The following VPS8 variants were observed in gnomAD, a reference collection of about 807,000 sequenced individuals.
The protein encoded by VPS8 is VPS8 subunit of CORVET complex, also known as vacuolar protein sorting-associated protein 8 homolog.
VPS8 carries 129 observed loss-of-function variants against 216.4 expected under a neutral mutation model. The observed-to-expected ratio is 0.60, with a 90% confidence interval of 0.52 to 0.69. The LOEUF (loss-of-function observed/expected upper bound fraction) is 0.69. Among genes scored for constraint, VPS8 ranks in the 30% least tolerant of loss-of-function variants. The pLI is 0.00. For synonymous variants in VPS8, 571 were observed against 565.4 expected (o/e 1.01, Z -0.14); for missense variants, 1,531 against 1,683.5 (o/e 0.91, Z 1.59).
Position 184,936,231 on chromosome 3 carries a change from T to TTCCTTTAAC in VPS8, c.2899-11_2899-3dup, listed in dbSNP as rs1741586277. ...GAGCCATTAGAGATGGCTTTGTCTT[T>TTCCTTTAAC]TCCTTTAACTCCAGGAACTCGTGTC... On this transcript the variant is annotated splice_polypyrimidine_tract_variant and intron_variant, in intron 34 of 47. Transcript: ENST00000625842. 1 of 1,594,912 alleles carries TTCCTTTAAC rather than the reference T, an allele frequency of 6.3e-7. No homozygotes were observed. Among genetic ancestry groups the TTCCTTTAAC allele is most frequent in the Admixed American group, 1.8e-5 (1 of 57,038 alleles).
At chr3:184,915,250 A>T in intron 27 of VPS8, 105 bp from the exon 28 acceptor site, 1 of 1,439,600 alleles carries the variant, frequency 6.9e-7, no homozygotes, top group African/African-American at 1.4e-5. Flanking sequence ...GTAGCAATTT[A>T]AACTGAATTC....
intron 45 of VPS8, among the ~76,000 whole-genome samples, chr3:185,015,734 T>C (rs780253452): frequency 2.6e-5 from 4 of 152,248 alleles, no homozygotes; most frequent in Non-Finnish European, 5.9e-5. Flanking sequence ...AGACCATTTA[T>C]AAAAGCTTGC....
intron 34 of VPS8, among the ~76,000 whole-genome samples, chr3:184,931,568 G>A (rs933335134): frequency 3.3e-5 from 5 of 152,186 alleles, no homozygotes; most frequent in Non-Finnish European, 1.5e-5. Context: ...AGAAAGATCA[G>A]AGGTGTGAAC....
rs1165255623 is a variant in VPS8 at position 185,026,701 on chromosome 3, CTTTTTTTT to C, written c.4056+2330_4056+2337del. Among the ~76,000 whole-genome samples, 762 of 85,982 alleles carry C rather than the reference CTTTTTTTT, an allele frequency of 8.9e-3. 7 individuals are homozygous for C. The highest frequency in any genetic ancestry group is 0.033 in the African/African-American group (722 of 22,038). The allele number at this position is 85,982 out of a possible 152,430, so 56.4% of individuals were successfully genotyped here. ...TGGGATTACAGGCATGAGCCACTGT[CTTTTTTTT>C]TTTTTTTTTTTTTTTTTGAGACAGA... On this transcript the variant is annotated intron_variant, in intron 46 of 47. Coordinates refer to ENST00000625842, the MANE Select transcript of VPS8 (RefSeq NM_001009921.3).
Position 185,045,070 on chromosome 3 carries a change from A to G in VPS8, c.4057-3409A>G, listed in dbSNP as rs533336160. ...GACTGGCTGAGGCTATAAGAGATAC[A>G]AGGAAAGATTTGAAAGTGAGGTGGA... On this transcript the variant is annotated intron_variant, in intron 46 of 47. Coordinates refer to ENST00000625842, the MANE Select transcript of VPS8 (RefSeq NM_001009921.3). Among the ~76,000 whole-genome samples, 3 of 129,426 alleles carry G rather than the reference A, an allele frequency of 2.3e-5. No homozygotes were observed. The East Asian group carries it at 7.6e-4, about 33-fold the overall frequency. 84.9% of individuals were successfully genotyped at this position (129,426 alleles called of 152,430 possible).
At chr3:184,882,373 G>T (rs1305172390) in intron 21 of VPS8, 1 of 455,164 alleles carries the variant, frequency 2.2e-6, no homozygotes, top group South Asian at 1.6e-5. Context: ...ATATCGTAAT[G>T]ATTGGTTTTT....
At chr3:185,049,258 T>G (rs9843285) in intron 47 of VPS8, among the ~76,000 whole-genome samples, 72,993 of 152,046 alleles carry the variant, frequency 0.48, 17,837 homozygotes, top group East Asian at 0.67. Context: ...AGGGCTTCTA[T>G]CAGTCACTGC....
At chr3:184,972,047 G>A (rs1255784205) in intron 40 of VPS8, among the ~76,000 whole-genome samples, 2 of 149,306 alleles carry the variant, frequency 1.3e-5, no homozygotes, top group Non-Finnish European at 3.0e-5. Context: ...TTGCACTCCA[G>A]CCCTGGGCAA....
chr3:184,982,399 T>C, intron 40 of VPS8, 167 bp from the exon 41 acceptor site: 1 of 578,620 alleles, frequency 1.7e-6, no homozygotes, highest in East Asian at 3.0e-5. Flanking sequence ...TTTTTTTTTT[T>C]TTGCCCCAAA....
At chr3:184,904,068 CT>C (rs1448304720) in intron 25 of VPS8, among the ~76,000 whole-genome samples, 3 of 152,052 alleles carry the variant, frequency 2.0e-5, no homozygotes, top group Non-Finnish European at 4.4e-5. Context: ...AATAGATTGA[CT>C]TTTGTATATT....
At chr3:184,847,776 G>A (rs1042391285) in intron 8 of VPS8, among the ~76,000 whole-genome samples, 2 of 152,120 alleles carry the variant, frequency 1.3e-5, no homozygotes, top group African/African-American at 4.8e-5. Context: ...TTAATTATTA[G>A]ATAACAGAAT....
At chr3:184,893,895 T>G (rs756473947) in intron 22 of VPS8, among the ~76,000 whole-genome samples, 3 of 152,316 alleles carry the variant, frequency 2.0e-5, no homozygotes, top group East Asian at 1.9e-4. Context: ...ATGGTAATTT[T>G]GAAGAATAAA....
chr3:185,023,659 A>T lies in VPS8; in HGVS notation c.4003-677A>T, dbSNP rs144449857. On this transcript the variant is annotated intron_variant, in intron 45 of 47. Coordinates refer to ENST00000625842, the MANE Select transcript of VPS8 (RefSeq NM_001009921.3). ...AGCAACAGAAGCGAAACTCTGTCTCAAAAAATAAATAAATAATTAAAAAAA... is the reference window on the plus strand; with the variant it reads ...AGCAACAGAAGCGAAACTCTGTCTCTAAAAATAAATAAATAATTAAAAAAA... Among the ~76,000 whole-genome samples, 577 of 152,242 alleles carry T rather than the reference A, an allele frequency of 3.8e-3. 3 individuals are homozygous for T. Among genetic ancestry groups the T allele is most frequent in the African/African-American group, 0.013 (554 of 41,544 alleles).
rs543763161 is a variant in VPS8 at position 184,847,301 on chromosome 3, T to C, written c.542-1770T>C. Among the ~76,000 whole-genome samples, 6 of 152,362 alleles carry C rather than the reference T, an allele frequency of 3.9e-5. No homozygotes were observed. The East Asian group carries it at 1.2e-3, about 29-fold the overall frequency. On this transcript the variant is annotated intron_variant, in intron 8 of 47. Coordinates refer to ENST00000625842, the MANE Select transcript of VPS8 (RefSeq NM_001009921.3). The stretch of plus-strand genomic sequence containing the variant: ...AGAAAAGGACTCTTACAGTATTCAC[T>C]CTGAATGGGCAAAAGGACTGACCTA...
chr3:184,843,753 A>C (rs7624642), intron 8 of VPS8, among the ~76,000 whole-genome samples: 1 of 152,118 alleles, frequency 6.6e-6, no homozygotes, highest in Non-Finnish European at 1.5e-5. Context: ...ATCTTTACCA[A>C]GTTTTTCTAA....
At chr3:184,856,974 C>A (rs918118924) in intron 14 of VPS8, among the ~76,000 whole-genome samples, 3 of 152,222 alleles carry the variant, frequency 2.0e-5, no homozygotes, top group Non-Finnish European at 4.4e-5. Flanking sequence ...CCTCCCACCT[C>A]AGCCTCCCAA....
At chr3:185,038,047 A>G (rs1759145563) in intron 46 of VPS8, among the ~76,000 whole-genome samples, 1 of 152,162 alleles carries the variant, frequency 6.6e-6, no homozygotes, top group Non-Finnish European at 1.5e-5. Flanking sequence ...TAACTTTTTA[A>G]TGGAAACTGG....
chr3:184,863,324 A>G (rs1726719231), intron 16 of VPS8, among the ~76,000 whole-genome samples: 1 of 152,216 alleles, frequency 6.6e-6, no homozygotes, highest in Non-Finnish European at 1.5e-5. Flanking sequence ...TTTAATTTTT[A>G]TACTAAAATA....
intron 45 of VPS8, among the ~76,000 whole-genome samples, chr3:185,003,500 CAGA>C (rs1490223435): frequency 6.7e-6 from 1 of 148,466 alleles, no homozygotes; most frequent in African/African-American, 2.5e-5. Flanking sequence ...GATCCCAAGG[CAGA>C]AGAATTTTTC....
Sources: allele counts gnomAD v4.1 joint callset (sites outside exome capture counted in the v4.1 genomes callset), GRCh38; gene constraint gnomAD v4.1.1; transcripts MANE v1.5; gene names NCBI Gene and HGNC (gene_info 2026-07-23, HGNC 2026-07-21).